Variants in METTL15 observed in about 807,000 individuals in gnomAD.
METTL15 encodes the protein 12S rRNA N(4)-cytidine methyltransferase METTL15.
In METTL15, 34 loss-of-function variants were observed where a neutral mutation model predicts 38.3. The ratio of observed to expected loss-of-function variants is 0.89; its 90% confidence interval spans 0.68 to 1.18. The LOEUF (loss-of-function observed/expected upper bound fraction) is 1.18. Ranked by LOEUF, METTL15 falls within the 50% of genes most tolerant of loss-of-function variation. The probability of loss-of-function intolerance (pLI) is 0.00; values close to 1 mark genes in which losing one functional copy is unlikely to be tolerated. For missense variants in METTL15, 438 were observed against 498.4 expected (o/e 0.88, Z 1.15); for synonymous variants, 162 against 170.9 (o/e 0.95, Z 0.41).
downstream of METTL15, among the ~76,000 whole-genome samples, chr11:28,337,503 A>G (rs1849911743): frequency 6.6e-6 from 1 of 152,092 alleles, no homozygotes; most frequent in Admixed American, 6.6e-5. Flanking sequence ...GGTGCAAGTC[A>G]CCACACCCAG....
chr11:28,237,310 C>A (rs979968607), intron 4 of METTL15, among the ~76,000 whole-genome samples: 18 of 152,050 alleles, frequency 1.2e-4, no homozygotes, highest in Admixed American at 2.6e-4. Flanking sequence ...TCTTTTTATT[C>A]TTTTTTCTCT....
At chr11:28,189,706 A>G (rs1050371923) in intron 3 of METTL15, among the ~76,000 whole-genome samples, 1 of 151,284 alleles carries the variant, frequency 6.6e-6, no homozygotes. Context: ...AATCATGTCC[A>G]TTTGATGATT....
At chr11:28,150,621 G>A (rs1207435421) in intron 3 of METTL15, among the ~76,000 whole-genome samples, 5 of 138,740 alleles carry the variant, frequency 3.6e-5, no homozygotes, top group African/African-American at 2.5e-5. Flanking sequence ...TACACATATC[G>A]CCTGTGTGAT....
Position 28,330,388 on chromosome 11 carries a change from T to G in METTL15, c.779-8T>G, listed in dbSNP as rs915847039. The G allele has an allele frequency of 9.2e-6, 14 of 1,528,172 alleles. No individual in the cohort carries two copies. The highest frequency in any genetic ancestry group is 1.1e-5 in the Non-Finnish European group (13 of 1,138,068). 94.7% of individuals were successfully genotyped at this position (1,528,172 alleles called of 1,614,324 possible). The stretch of plus-strand genomic sequence containing the variant: ...CTTCTTTTCCTATCTTTACAACATT[T>G]GTTTTAGGAGCATTTCCTCCCTCTG... On this transcript the variant is annotated splice_polypyrimidine_tract_variant and splice_region_variant and intron_variant, in intron 6 of 6. Transcript: ENST00000407364.
chr11:28,369,166 A>G (rs2133373834), intron 5 of METTL15, among the ~76,000 whole-genome samples: 1 of 152,088 alleles, frequency 6.6e-6, no homozygotes, highest in Admixed American at 6.6e-5. Context: ...AATAAATAAA[A>G]ATTTATTAGT....
At chr11:28,180,022 A>G (rs143309782) in intron 3 of METTL15, among the ~76,000 whole-genome samples, 106 of 151,824 alleles carry the variant, frequency 7.0e-4, no homozygotes, top group African/African-American at 2.4e-3. Context: ...AGAAACTCAA[A>G]TGGTCTAAAG....
intron 6 of METTL15, among the ~76,000 whole-genome samples, chr11:28,321,435 T>C (rs772633802): frequency 1.3e-5 from 2 of 152,172 alleles, no homozygotes; most frequent in Admixed American, 6.5e-5. Context: ...TTATGCTTTT[T>C]CATAGGAGTG....
At chr11:28,191,826 A>G (rs1851710568) in intron 3 of METTL15, among the ~76,000 whole-genome samples, 1 of 151,732 alleles carries the variant, frequency 6.6e-6, no homozygotes, top group Admixed American at 6.6e-5. Flanking sequence ...AAAATACCTA[A>G]AACAATTAAC....
intron 6 of METTL15, among the ~76,000 whole-genome samples, chr11:28,317,012 G>A (rs1220686923): frequency 5.3e-5 from 8 of 152,140 alleles, no homozygotes; most frequent in Non-Finnish European, 2.9e-5. Context: ...TAGTTTTATT[G>A]AAAAATAGTT....
intron 4 of METTL15, among the ~76,000 whole-genome samples, chr11:28,240,061 A>G (rs1190352398): frequency 6.6e-6 from 1 of 152,190 alleles, no homozygotes; most frequent in Non-Finnish European, 1.5e-5. Context: ...GGATCAATCA[A>G]GCAACAAACA....
At chr11:28,247,899 A>G (rs1854579122) in intron 4 of METTL15, among the ~76,000 whole-genome samples, 1 of 152,142 alleles carries the variant, frequency 6.6e-6, no homozygotes, top group African/African-American at 2.4e-5. Flanking sequence ...GCTTATTTTA[A>G]CCAACAATTG....
chr11:28,160,984 A>G (rs1424787899), intron 3 of METTL15, among the ~76,000 whole-genome samples: 1 of 152,176 alleles, frequency 6.6e-6, no homozygotes, highest in South Asian at 2.1e-4. Context: ...ACACACTAAA[A>G]TATCAATATA....
rs188706240 is a variant in METTL15 at position 28,224,142 on chromosome 11, G to A, written c.407+12944G>A. Among the ~76,000 whole-genome samples the A allele has an allele frequency of 3.2e-3, 484 of 151,836 alleles. 3 individuals carry two copies. The highest frequency in any genetic ancestry group is 0.011 in the African/African-American group (439 of 41,426). On this transcript the variant is annotated intron_variant, in intron 4 of 6. Coordinates refer to ENST00000407364, the MANE Select transcript of METTL15 (RefSeq NM_001113528.2). Reference sequence around the variant, plus strand: ...CATAATTTTACCACTTTAGGTAATCGGGGTTAGTGATTTTACGTTTTTCAT... The same window carrying A: ...CATAATTTTACCACTTTAGGTAATCAGGGTTAGTGATTTTACGTTTTTCAT...
chr11:28,132,254 T>A (rs1344397989), intron 3 of METTL15, among the ~76,000 whole-genome samples: 1 of 152,142 alleles, frequency 6.6e-6, no homozygotes, highest in Non-Finnish European at 1.5e-5. Flanking sequence ...AGACATTGTC[T>A]TAAAATGGAA....
At chr11:28,413,014 C>T (rs1850742217) in intron 5 of METTL15, among the ~76,000 whole-genome samples, 1 of 151,864 alleles carries the variant, frequency 6.6e-6, no homozygotes, top group Admixed American at 6.6e-5. Flanking sequence ...AAATGTAATA[C>T]ATCCCATAAT....
chr11:28,194,192 C>CTCTCCT (rs1554995677), intron 3 of METTL15, among the ~76,000 whole-genome samples: 1 of 125,060 alleles, frequency 8.0e-6, no homozygotes, highest in African/African-American at 3.1e-5. Context: ...CTCTCTCTCT[C>CTCTCCT]CTCTCTCTCT....
chr11:28,214,458 AGTAATACCC>A (rs1463244968), intron 4 of METTL15, among the ~76,000 whole-genome samples: 1 of 152,236 alleles, frequency 6.6e-6, no homozygotes, highest in Non-Finnish European at 1.5e-5. Context: ...TAATTAAAAC[AGTAATACCC>A]GTGGCCTAAT....
At chr11:28,511,784 G>C (rs779902815) in intron 6 of METTL15, among the ~76,000 whole-genome samples, 48 of 152,180 alleles carry the variant, frequency 3.2e-4, no homozygotes, top group Non-Finnish European at 5.4e-4. Context: ...TTATTGCAAA[G>C]AGCGAAAGAA....
At chr11:28,390,526 A>G (rs1281594191) in intron 5 of METTL15, among the ~76,000 whole-genome samples, 1 of 152,176 alleles carries the variant, frequency 6.6e-6, no homozygotes, top group African/African-American at 2.4e-5. Flanking sequence ...TTTGTCAAAG[A>G]TCAGATAGTT....
Sources: allele counts gnomAD v4.1 joint callset (sites outside exome capture counted in the v4.1 genomes callset), GRCh38; gene constraint gnomAD v4.1.1; transcripts MANE v1.5; gene names NCBI Gene and HGNC (gene_info 2026-07-23, HGNC 2026-07-21).